The following CPNE4 variants were observed in gnomAD, a reference collection of about 807,000 sequenced individuals.
CPNE4 encodes the protein copine-4.
In CPNE4, 25 loss-of-function variants were observed where a neutral mutation model predicts 67.9. The observed-to-expected ratio is 0.37, with a 90% CI of 0.27 to 0.51. The LOEUF is 0.51. Among genes scored for constraint, CPNE4 ranks in the 20% least tolerant of loss-of-function variants. The pLI is 0.93. For synonymous variants in CPNE4, 242 were observed against 244.9 expected (o/e 0.99, Z 0.11); for missense variants, 464 against 690.8 (o/e 0.67, Z 3.68).
intron 2 of CPNE4, among the ~76,000 whole-genome samples, chr3:131,879,875 T>C (rs1030478001): frequency 1.3e-5 from 2 of 152,312 alleles, no homozygotes; most frequent in Non-Finnish European, 1.5e-5. Flanking sequence ...CTACCTTATA[T>C]ACCTGGCAGA....
At chr3:132,033,090 A>C (rs1007531799) in intron 1 of CPNE4, among the ~76,000 whole-genome samples, 4 of 152,274 alleles carry the variant, frequency 2.6e-5, no homozygotes, top group African/African-American at 9.6e-5. Context: ...TGGAGAAAAG[A>C]ACACTTTATT....
chr3:131,945,713 A>T lies in CPNE4; in HGVS notation c.-1-40269T>A, dbSNP rs2071533407. Among the ~76,000 whole-genome samples, 3 of 152,140 alleles carry T rather than the reference A, an allele frequency of 2.0e-5. No homozygotes were observed. The South Asian group carries it at 6.2e-4, about 32-fold the overall frequency. ...TATTTTTTGTAGTTATTTCCCCCAG[A>T]TTAATCTCTTGCTTGTCTATTTCTC... On this transcript the variant is annotated intron_variant, in intron 1 of 15. Coordinates refer to ENST00000429747, the MANE Select transcript of CPNE4 (RefSeq NM_130808.3).
In CPNE4 at chr3:131,542,722, G is replaced by T; in HGVS notation, c.1374C>A (p.Val458=). The part of the protein sequence containing the change: ...TDMADTREAI[V]HASHLPMSVI... ...CTGACATGGGGAGGTGGGAGGCATGGACAATGGCCTCCCGGGTGTCGGCCA... is the reference window on the plus strand; with the variant it reads ...CTGACATGGGGAGGTGGGAGGCATGTACAATGGCCTCCCGGGTGTCGGCCA... The change falls in exon 15 of 16, where the codon GTC becomes GTA. Residue 458 remains valine, a synonymous_variant. Coordinates refer to ENST00000429747, the MANE Select transcript of CPNE4 (RefSeq NM_130808.3). 2 of 1,613,964 alleles carry T rather than the reference G, an allele frequency of 1.2e-6. No individual in the cohort carries two copies. Among genetic ancestry groups the T allele is most frequent in the East Asian group, 4.5e-5 (2 of 44,844 alleles).
rs115315398 is a variant in CPNE4 at position 131,744,946 on chromosome 3, G to A, written c.181-21321C>T. On this transcript the variant is annotated intron_variant, in intron 2 of 15. Coordinates refer to ENST00000429747, the MANE Select transcript of CPNE4 (RefSeq NM_130808.3). ...AAATCTTAATTTCTTTGGGATAAAC[G>A]CCCAAGTGTGCAATTGCTGAGTCGT... Among the ~76,000 whole-genome samples the A allele has an allele frequency of 1.5e-3, 226 of 152,252 alleles. 4 individuals are homozygous for A. The highest frequency in any genetic ancestry group is 2.4e-3 in the Non-Finnish European group (161 of 68,006).
chr3:131,870,016 G>C (rs766614313), intron 2 of CPNE4, among the ~76,000 whole-genome samples: 11 of 152,122 alleles, frequency 7.2e-5, no homozygotes, highest in Non-Finnish European at 1.6e-4. Context: ...TGTTAAGAAG[G>C]AAGGAAGAGC....
At chr3:132,023,254 C>T (rs2074037004) in intron 1 of CPNE4, among the ~76,000 whole-genome samples, 1 of 152,144 alleles carries the variant, frequency 6.6e-6, no homozygotes, top group Non-Finnish European at 1.5e-5. Context: ...GATCCCTCAG[C>T]CTGCTTTCTG....
At position 131,905,348 on chromosome 3, in the gene CPNE4, GCA is replaced by G; in HGVS notation, c.94_95del (p.Cys32GlnfsTer5). ...GGGCATCTCTGTCAGAAATGCCTTTGCACGCCACACGCAGCTCAACTTTGGTC... is the reference window on the plus strand; with the variant it reads ...GGGCATCTCTGTCAGAAATGCCTTTGCGCCACACGCAGCTCAACTTTGGTC... ...CLTKVELRVA[C>X]KGISDRDALS... On this transcript the variant is annotated frameshift_variant, in exon 2 of 16. Transcript: ENST00000429747. LOFTEE classifies it high-confidence loss of function. The G allele has an allele frequency of 1.2e-6, 2 of 1,613,600 alleles. No homozygotes were observed. The highest frequency in any genetic ancestry group is 1.7e-6 in the Non-Finnish European group (2 of 1,179,710).
intron 2 of CPNE4, among the ~76,000 whole-genome samples, chr3:131,831,572 T>C (rs1382386039): frequency 6.6e-6 from 1 of 152,170 alleles, no homozygotes; most frequent in Admixed American, 6.6e-5. Context: ...GTCTGAAGTC[T>C]TTCTCTTCTA....
intron 6 of CPNE4, 43 bp downstream of exon 6, chr3:131,685,832 T>G (rs765252013): frequency 1.6e-6 from 2 of 1,274,586 alleles, no homozygotes; most frequent in African/African-American, 3.0e-5. Context: ...CAATTTATCA[T>G]CATCTTAGGA....
chr3:131,603,169 C>G (rs1939303236), intron 7 of CPNE4, among the ~76,000 whole-genome samples: 3 of 152,064 alleles, frequency 2.0e-5, no homozygotes, highest in Non-Finnish European at 4.4e-5. Context: ...TATTTTCACT[C>G]ATTATCAAGT....
At chr3:131,682,613 C>G (rs2080785520) in intron 6 of CPNE4, among the ~76,000 whole-genome samples, 1 of 152,014 alleles carries the variant, frequency 6.6e-6, no homozygotes, top group Admixed American at 6.6e-5. Context: ...TGAGTCTCAC[C>G]CAAGGCCTAG....
chr3:131,773,012 T>C (rs778306315), intron 2 of CPNE4, among the ~76,000 whole-genome samples: 2 of 152,138 alleles, frequency 1.3e-5, no homozygotes, highest in South Asian at 4.1e-4. Flanking sequence ...AACTAACACT[T>C]GGGTAGATGA....
chr3:131,766,804 A>G (rs971378593), intron 2 of CPNE4, among the ~76,000 whole-genome samples: 4 of 151,976 alleles, frequency 2.6e-5, no homozygotes, highest in African/African-American at 9.7e-5. Flanking sequence ...TCTAAGATGC[A>G]CAGTTTTCAC....
Position 131,648,740 on chromosome 3 carries a change from A to G in CPNE4, c.681+20935T>C, listed in dbSNP as rs539438393. On this transcript the variant is annotated intron_variant, in intron 7 of 15. Transcript: ENST00000429747. ...ATACAGTAGACAATCTAAGATTTGT[A>G]GAATGAATGAGTGAATAAGTGAATG... Among the ~76,000 whole-genome samples, 117 of 152,360 alleles carry G rather than the reference A, an allele frequency of 7.7e-4. 1 individual carries two copies. Among genetic ancestry groups the G allele is most frequent in the African/African-American group, 2.8e-3 (116 of 41,588 alleles).
chr3:131,896,376 A>G (rs1350671431), intron 2 of CPNE4, among the ~76,000 whole-genome samples: 1 of 152,108 alleles, frequency 6.6e-6, no homozygotes, highest in Non-Finnish European at 1.5e-5. Context: ...TGTTTAACAG[A>G]TATTCTTTAA....
chr3:131,702,116 T>C lies in CPNE4; in HGVS notation c.361-2136A>G, dbSNP rs1314283899. Among the ~76,000 whole-genome samples, 8 of 152,228 alleles carry C rather than the reference T, an allele frequency of 5.3e-5. No homozygotes were observed. In the East Asian group the frequency reaches 1.6e-3, roughly 30 times the overall value. On this transcript the variant is annotated intron_variant, in intron 3 of 15. Transcript: ENST00000429747. Reference sequence around the variant, plus strand: ...ACAAGCAGATTTAAAGATCTTGATGTTCAGTCTGCTATAATCTGAAGAGAA... The same window carrying C: ...ACAAGCAGATTTAAAGATCTTGATGCTCAGTCTGCTATAATCTGAAGAGAA...
At chr3:131,910,233 G>A (rs2107787373) in intron 1 of CPNE4, among the ~76,000 whole-genome samples, 1 of 152,090 alleles carries the variant, frequency 6.6e-6, no homozygotes, top group Middle Eastern at 3.4e-3. Flanking sequence ...CAGTTCTGGG[G>A]AAGGGGGGAG....
chr3:131,860,020 T>C (rs1351938006), intron 2 of CPNE4, among the ~76,000 whole-genome samples: 30 of 152,192 alleles, frequency 2.0e-4, no homozygotes, highest in Admixed American at 2.0e-3. Context: ...CCTTTTTTCT[T>C]ATCCTCAACA....
chr3:131,816,975 GCTACC>G (rs2084767341), intron 2 of CPNE4, among the ~76,000 whole-genome samples: 2 of 152,164 alleles, frequency 1.3e-5, no homozygotes, highest in Non-Finnish European at 2.9e-5. Flanking sequence ...TACTTGTATA[GCTACC>G]ATCAAAATTA....
Sources: allele counts gnomAD v4.1 joint callset (sites outside exome capture counted in the v4.1 genomes callset), GRCh38; gene constraint gnomAD v4.1.1; transcripts MANE v1.5; gene names NCBI Gene and HGNC (gene_info 2026-07-23, HGNC 2026-07-21).